The following SHTN1 variants were observed in gnomAD, a reference collection of about 807,000 sequenced individuals.
SHTN1 encodes shootin 1.
SHTN1 carries 42 observed loss-of-function variants against 83.1 expected under a neutral mutation model. That is an observed-to-expected ratio of 0.51 (90% CI 0.39 to 0.65). SHTN1 has a LOEUF of 0.65. Among genes scored for constraint, SHTN1 ranks in the 30% least tolerant of loss-of-function variants. SHTN1 has a pLI of 0.00. For synonymous variants in SHTN1, 224 were observed against 247.7 expected (o/e 0.90, Z 0.90); for missense variants, 622 against 737.8 (o/e 0.84, Z 1.82).
chr10:117,120,399 C>G (rs972129448), intron 1 of SHTN1, among the ~76,000 whole-genome samples: 72 of 152,166 alleles, frequency 4.7e-4, no homozygotes, highest in Non-Finnish European at 4.0e-4. Flanking sequence ...AGGCACCCGC[C>G]ACCACGCCCA....
intron 2 of SHTN1, among the ~76,000 whole-genome samples, chr10:116,976,100 C>T (rs1481190772): frequency 6.6e-6 from 1 of 152,192 alleles, no homozygotes; most frequent in Non-Finnish European, 1.5e-5. Flanking sequence ...CTGCCATGGT[C>T]TGTGTAACAC....
rs182069459 is a variant in SHTN1 at position 117,026,570 on chromosome 10, G to T, written c.-123+21875C>A. 1.2e-3 allele frequency among the ~76,000 whole-genome samples: 179 copies of T among 152,206 alleles called. 1 individual carries two copies. The highest frequency in any genetic ancestry group is 4.2e-3 in the African/African-American group (173 of 41,534). On this transcript the variant is annotated intron_variant, in intron 2 of 17. Transcript: ENST00000392901. ...CCCAAGTAGCTTGGATTACAGGTGT[G>T]CACCACTATGCCCAGCTAATTTTGT...
chr10:116,915,370 C>T lies in SHTN1; in HGVS notation c.1305+5G>A. The stretch of plus-strand genomic sequence containing the variant: ...CAGGGAAAAAAGCATTCAGTCACTC[C>T]ATACCTTTGTCTTCGGTCTGGCTGT... On this transcript the variant is annotated splice_donor_5th_base_variant and intron_variant, in intron 13 of 16. Transcript: ENST00000355371. The T allele has an allele frequency of 6.9e-7, 1 of 1,453,984 alleles. No homozygotes were observed. The highest frequency in any genetic ancestry group is 1.1e-5 in the South Asian group (1 of 87,408). 90.1% of individuals were successfully genotyped at this position (1,453,984 alleles called of 1,614,324 possible).
intron 1 of SHTN1, among the ~76,000 whole-genome samples, chr10:116,981,168 A>G (rs1246341496): frequency 6.6e-6 from 1 of 152,096 alleles, no homozygotes; most frequent in Non-Finnish European, 1.5e-5. Flanking sequence ...AAAGTACAAA[A>G]ATTAGCTGGG....
chr10:117,006,569 A>G (rs2133551668), upstream of SHTN1, among the ~76,000 whole-genome samples: 1 of 150,884 alleles, frequency 6.6e-6, no homozygotes, highest in South Asian at 2.1e-4. Flanking sequence ...CCGTCTCAAA[A>G]AAAAAAAAAA....
chr10:117,118,748 G>C (rs1853885131), intron 1 of SHTN1, among the ~76,000 whole-genome samples: 1 of 152,124 alleles, frequency 6.6e-6, no homozygotes, highest in African/African-American at 2.4e-5. Flanking sequence ...GGACACATGA[G>C]GGGGAACAAC....
chr10:116,924,242 C>A (rs938441771), intron 11 of SHTN1, among the ~76,000 whole-genome samples: 5 of 152,100 alleles, frequency 3.3e-5, no homozygotes, highest in Admixed American at 2.0e-4. Flanking sequence ...CACTCCATGG[C>A]GGGCTGGGTG....
chr10:117,094,746 AATT>A (rs755066850), intron 1 of SHTN1, among the ~76,000 whole-genome samples: 13 of 152,238 alleles, frequency 8.5e-5, no homozygotes, highest in Non-Finnish European at 1.5e-4. Flanking sequence ...TTCTGATAAG[AATT>A]ATTCAGAAGG....
At chr10:116,990,283 C>CTTTTTTTTTTTTTTT (rs1462733730) in intron 1 of SHTN1, among the ~76,000 whole-genome samples, 1 of 56,318 alleles carries the variant, frequency 1.8e-5, no homozygotes, top group African/African-American at 6.7e-5. Flanking sequence ...TTTCTTTTTT[C>CTTTTTTTTTTTTTTT]TTTCTTTTTT....
intron 1 of SHTN1, among the ~76,000 whole-genome samples, chr10:117,085,238 C>T (rs924659581): frequency 6.6e-6 from 1 of 152,140 alleles, no homozygotes; most frequent in South Asian, 2.1e-4. Flanking sequence ...AAAACATTAT[C>T]GATTTTGGAC....
chr10:117,057,296 TC>T (rs1345536335), intron 1 of SHTN1, among the ~76,000 whole-genome samples: 3 of 151,998 alleles, frequency 2.0e-5, no homozygotes, highest in African/African-American at 4.8e-5. Flanking sequence ...CAGCTATCCA[TC>T]CCCCACCCCA....
chr10:116,894,545 T>C (rs1476232849), intron 16 of SHTN1, among the ~76,000 whole-genome samples: 4 of 152,160 alleles, frequency 2.6e-5, no homozygotes, highest in African/African-American at 9.7e-5. Context: ...TGGCAATTAA[T>C]TGTGGCTTAA....
intron 1 of SHTN1, among the ~76,000 whole-genome samples, chr10:117,055,232 C>A (rs1486674675): frequency 6.6e-6 from 1 of 152,164 alleles, no homozygotes; most frequent in Non-Finnish European, 1.5e-5. Context: ...TCCCCTGACA[C>A]ATGGGGATTA....
At chr10:117,040,900 T>C (rs1852573563) in intron 2 of SHTN1, among the ~76,000 whole-genome samples, 1 of 151,854 alleles carries the variant, frequency 6.6e-6, no homozygotes, top group African/African-American at 2.4e-5. Context: ...GTAATTTTAT[T>C]TTTATACTCA....
In SHTN1 at chr10:116,981,083, C is replaced by T. The variant is rs1452834464; in HGVS notation, c.59-1775G>A. Among the ~76,000 whole-genome samples the T allele has an allele frequency of 2.0e-5, 3 of 152,056 alleles. No homozygotes were observed. In the South Asian group the frequency reaches 6.2e-4, roughly 32 times the overall value. On this transcript the variant is annotated intron_variant, in intron 1 of 16. Coordinates refer to ENST00000355371, the MANE Select transcript of SHTN1 (RefSeq NM_001127211.3). ...CCTGTAATCTCAACACTTTGGTAGG[C>T]CGAGGTGGGCAGATCACTTGAGGTC...
intron 5 of SHTN1, among the ~76,000 whole-genome samples, chr10:116,953,481 T>C (rs950711064): frequency 6.6e-5 from 10 of 152,108 alleles, no homozygotes. Flanking sequence ...CCTATGGTGA[T>C]TTGGAGATAT....
At chr10:117,072,590 G>GTC (rs1249520691) in intron 1 of SHTN1, among the ~76,000 whole-genome samples, 1 of 152,170 alleles carries the variant, frequency 6.6e-6, no homozygotes, top group Admixed American at 6.5e-5. Flanking sequence ...GACTTGCTAG[G>GTC]TGGCTAGACC....
At chr10:116,984,758 CAGTT>C (rs1257858325) in intron 1 of SHTN1, among the ~76,000 whole-genome samples, 1 of 152,168 alleles carries the variant, frequency 6.6e-6, no homozygotes, top group Non-Finnish European at 1.5e-5. Context: ...CTTTACACAG[CAGTT>C]AGTTAACAAA....
chr10:117,120,623 T>G (rs1219199538), intron 1 of SHTN1, among the ~76,000 whole-genome samples: 1 of 152,082 alleles, frequency 6.6e-6, no homozygotes, highest in Non-Finnish European at 1.5e-5. Flanking sequence ...ACACCTACTA[T>G]GTACCCACAA....
Sources: gnomAD v4.1 joint callset for allele counts (sites outside exome capture counted in the v4.1 genomes callset) on GRCh38, gnomAD v4.1.1 for gene constraint, MANE v1.5 for transcripts, NCBI Gene and HGNC (gene_info 2026-07-23, HGNC 2026-07-21) for gene names.